Variants in ZNF521 observed in about 807,000 individuals in gnomAD.
ZNF521 encodes the protein LYST-interacting protein 3.
Under a neutral mutation model 105.5 loss-of-function variants are expected in ZNF521, and 14 were observed. The ratio of observed to expected loss-of-function variants is 0.13; its 90% CI spans 0.09 to 0.21. ZNF521 has a LOEUF of 0.21. Among genes scored for constraint, ZNF521 ranks in the 10% least tolerant of loss-of-function variants. The pLI, the probability that ZNF521 is intolerant of heterozygous loss-of-function variation, is 1.00. For synonymous variants in ZNF521, 635 were observed against 606.0 expected (o/e 1.05, Z -0.70); for missense variants, 1,233 against 1,629.7 (o/e 0.76, Z 4.19).
At chr18:25,341,372 C>T (rs1914191256) in intron 2 of ZNF521, among the ~76,000 whole-genome samples, 1 of 152,178 alleles carries the variant, frequency 6.6e-6, no homozygotes. Flanking sequence ...ATATGAACAT[C>T]ATACACATTC....
chr18:25,221,505 T>C (rs114167845), intron 4 of ZNF521, among the ~76,000 whole-genome samples: 259 of 152,322 alleles, frequency 1.7e-3, no homozygotes, highest in African/African-American at 6.0e-3. Context: ...TTCTTGACCA[T>C]ACCTATGTAT....
intron 4 of ZNF521, 147 bp downstream of exon 4, chr18:25,224,198 G>A (rs1905931513): frequency 6.5e-6 from 5 of 768,576 alleles, no homozygotes. Flanking sequence ...GCTAGCTAAT[G>A]GCTATGGGGG....
At chr18:25,231,973 C>T (rs1383475897) in intron 3 of ZNF521, among the ~76,000 whole-genome samples, 1 of 152,180 alleles carries the variant, frequency 6.6e-6, no homozygotes, top group Non-Finnish European at 1.5e-5. Context: ...TAACAATATC[C>T]TTTTGCTACC....
chr18:25,315,768 C>T (rs1912571675), intron 3 of ZNF521: 2 of 152,146 alleles, frequency 1.3e-5, no homozygotes, highest in African/African-American at 4.8e-5. Flanking sequence ...AAGGCAGGCT[C>T]TCCAAGGAAT....
intron 5 of ZNF521, among the ~76,000 whole-genome samples, chr18:25,101,114 C>T (rs1472415574): frequency 6.6e-6 from 1 of 152,156 alleles, no homozygotes; most frequent in African/African-American, 2.4e-5. Flanking sequence ...ATGTGTACAT[C>T]ATTCATTCTT....
chr18:25,350,178 C>T (rs1301099675), intron 2 of ZNF521, among the ~76,000 whole-genome samples: 1 of 152,202 alleles, frequency 6.6e-6, no homozygotes, highest in East Asian at 1.9e-4. Flanking sequence ...CCGCAACTTC[C>T]CTCTCCAACA....
chr18:25,102,481 T>G (rs892545033), intron 5 of ZNF521, among the ~76,000 whole-genome samples: 3 of 151,886 alleles, frequency 2.0e-5, no homozygotes, highest in African/African-American at 7.3e-5. Flanking sequence ...AACTAAGGAC[T>G]TTTTTAAAAG....
At chr18:25,289,075 T>C (rs775741510) in intron 3 of ZNF521, among the ~76,000 whole-genome samples, 34 of 152,336 alleles carry the variant, frequency 2.2e-4, no homozygotes, top group Middle Eastern at 6.8e-3. Context: ...ATGGCTTCCA[T>C]TTACTTCCAA....
intron 7 of ZNF521, among the ~76,000 whole-genome samples, chr18:25,079,831 C>G (rs2033453081): frequency 6.6e-6 from 1 of 152,204 alleles, no homozygotes; most frequent in Non-Finnish European, 1.5e-5. Flanking sequence ...TTTTCCTGCA[C>G]AATCACCTTT....
intron 5 of ZNF521, among the ~76,000 whole-genome samples, chr18:25,145,388 C>T (rs1435951384): frequency 1.3e-5 from 2 of 152,102 alleles, no homozygotes; most frequent in Non-Finnish European, 2.9e-5. Flanking sequence ...ACCTCCTAGG[C>T]CTCTTTGGTG....
At chr18:25,147,196 TATA>T (rs1355683981) in intron 5 of ZNF521, among the ~76,000 whole-genome samples, 1 of 148,570 alleles carries the variant, frequency 6.7e-6, no homozygotes, top group Non-Finnish European at 1.5e-5. Context: ...TAAGATGAAA[TATA>T]ATAATAATGT....
At chr18:25,182,855 C>CT (rs2035656241) in intron 5 of ZNF521, among the ~76,000 whole-genome samples, 1 of 152,076 alleles carries the variant, frequency 6.6e-6, no homozygotes, top group South Asian at 2.1e-4. Context: ...CAGTCTTTAC[C>CT]TTTACACCTT....
At position 25,194,576 on chromosome 18, in the gene ZNF521, A is replaced by G. The variant is rs549709238; in HGVS notation, c.3658+584T>C. Among the ~76,000 whole-genome samples, 32 of 151,880 alleles carry G rather than the reference A, an allele frequency of 2.1e-4. 2 individuals are homozygous for G. Among genetic ancestry groups the G allele is most frequent in the African/African-American group, 6.5e-4 (27 of 41,530 alleles). On this transcript the variant is annotated intron_variant, in intron 5 of 7. Transcript: ENST00000361524. Reference sequence around the variant, plus strand: ...GAGTAATTTCAGAAATCTTTCCCCAAACTACTTTTATTAAAATCTATGGAA... The same window carrying G: ...GAGTAATTTCAGAAATCTTTCCCCAGACTACTTTTATTAAAATCTATGGAA...
At chr18:25,315,525 G>C (rs528779352) in intron 3 of ZNF521, 3 of 152,314 alleles carry the variant, frequency 2.0e-5, no homozygotes, top group East Asian at 3.9e-4. Context: ...GACTCCATGA[G>C]GTGTGTGTGA....
At chr18:25,118,689 G>T (rs4800209) in intron 5 of ZNF521, among the ~76,000 whole-genome samples, 138,700 of 151,984 alleles carry the variant, frequency 0.91, 63,897 homozygotes, top group Non-Finnish European at 0.98. Context: ...TTATAAAAAC[G>T]ATTCAGAAAG....
At chr18:25,203,414 C>T (rs1289887715) in intron 4 of ZNF521, among the ~76,000 whole-genome samples, 2 of 152,108 alleles carry the variant, frequency 1.3e-5, no homozygotes, top group Non-Finnish European at 1.5e-5. Flanking sequence ...TCCAGGAGTT[C>T]AAGACTAGTC....
intron 5 of ZNF521, among the ~76,000 whole-genome samples, chr18:25,185,865 G>A (rs8084742): frequency 0.27 from 40,528 of 152,042 alleles, 5,605 homozygotes; most frequent in African/African-American, 0.34. Context: ...AATTAATCTG[G>A]ATTAAAACAT....
chr18:25,122,137 G>A (rs777323012), intron 5 of ZNF521, among the ~76,000 whole-genome samples: 1 of 152,140 alleles, frequency 6.6e-6, no homozygotes. Flanking sequence ...GATCCATATT[G>A]AACTTGAAGA....
chr18:25,329,291 G>C (rs986163232), intron 2 of ZNF521, among the ~76,000 whole-genome samples: 1 of 152,154 alleles, frequency 6.6e-6, no homozygotes, highest in African/African-American at 2.4e-5. Context: ...ACCCAAGTTT[G>C]CCATTTGAAA....
Sources: allele counts gnomAD v4.1 joint callset (sites outside exome capture counted in the v4.1 genomes callset), GRCh38; gene constraint gnomAD v4.1.1; transcripts MANE v1.5; gene names NCBI Gene and HGNC (gene_info 2026-07-23, HGNC 2026-07-21).